CTNNA3: variants seen among roughly 807,000 people sequenced by gnomAD.
The protein encoded by CTNNA3 is catenin alpha 3, also known as catenin alpha-3.
CTNNA3 carries 76 observed loss-of-function variants against 95.7 expected under a neutral mutation model. The observed-to-expected ratio is 0.79, with a 90% CI of 0.66 to 0.96. CTNNA3 has a LOEUF of 0.96. CTNNA3 is among the 40% of genes least tolerant of loss of function. The pLI is 0.00. For missense variants in CTNNA3, 1,191 were observed against 1,089.8 expected (o/e 1.09, Z -1.31); for synonymous variants, 431 against 374.4 (o/e 1.15, Z -1.74).
chr10:66,009,093 C>A (rs569688513), intron 15 of CTNNA3, among the ~76,000 whole-genome samples: 14 of 150,298 alleles, frequency 9.3e-5, no homozygotes, highest in African/African-American at 3.0e-4. Context: ...GAGTGAGACT[C>A]AATCTCAGAA....
intron 9 of CTNNA3, among the ~76,000 whole-genome samples, chr10:66,688,935 G>A (rs547736379): frequency 6.8e-6 from 1 of 147,582 alleles, no homozygotes; most frequent in Admixed American, 6.9e-5. Flanking sequence ...GATTGCCCCA[G>A]CCTGGGCCAC....
chr10:66,845,718 A>AC (rs1261334577), intron 7 of CTNNA3, among the ~76,000 whole-genome samples: 23 of 123,932 alleles, frequency 1.9e-4, no homozygotes, highest in Non-Finnish European at 3.5e-4. Flanking sequence ...AAAAAAAAAA[A>AC]AAAAAAAAAA....
chr10:66,323,143 T>C (rs1433833822), intron 12 of CTNNA3, among the ~76,000 whole-genome samples: 1 of 151,908 alleles, frequency 6.6e-6, no homozygotes, highest in African/African-American at 2.4e-5. Context: ...TTTAAAAAAT[T>C]TATTTTTAAT....
intron 9 of CTNNA3, among the ~76,000 whole-genome samples, chr10:66,693,309 T>A (rs1236361183): frequency 6.8e-6 from 1 of 147,224 alleles, no homozygotes; most frequent in Admixed American, 6.7e-5. Flanking sequence ...GGGGTTGCAA[T>A]CCTAGTCTCT....
At position 66,640,527 on chromosome 10, in the gene CTNNA3, C is replaced by T. The variant is rs148755466; in HGVS notation, c.1282-18743G>A. Among the ~76,000 whole-genome samples the T allele has an allele frequency of 6.6e-3, 1,008 of 152,264 alleles. 20 individuals are homozygous for T. Among genetic ancestry groups the T allele is most frequent in the African/African-American group, 0.023 (961 of 41,558 alleles). The stretch of plus-strand genomic sequence containing the variant: ...CAGCTGCTGCTTCTACCCAATTCTA[C>T]CTTTCTCCCTTCATTACAGGCTTAT... On this transcript the variant is annotated intron_variant, in intron 9 of 17. Coordinates refer to ENST00000433211, the MANE Select transcript of CTNNA3 (RefSeq NM_013266.4).
At chr10:66,259,564 T>G (rs1014923999) in intron 13 of CTNNA3, among the ~76,000 whole-genome samples, 8 of 152,060 alleles carry the variant, frequency 5.3e-5, no homozygotes, top group African/African-American at 1.9e-4. Flanking sequence ...AGTACATAAC[T>G]TCACCCTGCA....
intron 7 of CTNNA3, chr10:67,098,048 C>CT (rs917925089): frequency 1.0e-3 from 456 of 456,440 alleles, no homozygotes; most frequent in East Asian, 1.1e-3. Flanking sequence ...ATAAAAGAAT[C>CT]TTTTTTTTTC....
chr10:66,282,893 T>C (rs1589028304), intron 12 of CTNNA3, among the ~76,000 whole-genome samples: 1 of 151,950 alleles, frequency 6.6e-6, no homozygotes, highest in African/African-American at 2.4e-5. Flanking sequence ...ATTAAGTGAT[T>C]AAATGAATGA....
At chr10:67,692,653 TG>T (rs1318305186) in intron 1 of CTNNA3, among the ~76,000 whole-genome samples, 1 of 136,118 alleles carries the variant, frequency 7.3e-6, no homozygotes, top group Non-Finnish European at 1.6e-5. Flanking sequence ...TTTGTTCACT[TG>T]TTTATCTGCT....
chr10:67,642,038 A>G (rs1422071609), intron 2 of CTNNA3, among the ~76,000 whole-genome samples: 1 of 152,190 alleles, frequency 6.6e-6, no homozygotes, highest in Non-Finnish European at 1.5e-5. Context: ...AAAAAACCCA[A>G]GATGGATTAA....
At chr10:67,183,148 A>T (rs560671947) in intron 6 of CTNNA3, among the ~76,000 whole-genome samples, 2 of 152,360 alleles carry the variant, frequency 1.3e-5, no homozygotes, top group East Asian at 3.9e-4. Context: ...TCAGGGATCT[A>T]GAACTACAAA....
At chr10:66,086,122 A>G (rs3911783) in intron 14 of CTNNA3, among the ~76,000 whole-genome samples, 91,956 of 151,994 alleles carry the variant, frequency 0.6, 27,902 homozygotes, top group East Asian at 0.71. Context: ...GCCCATAGCA[A>G]TAGACAAGGC....
chr10:67,097,379 G>A (rs566807513), intron 7 of CTNNA3, among the ~76,000 whole-genome samples: 1 of 151,904 alleles, frequency 6.6e-6, no homozygotes, highest in Non-Finnish European at 1.5e-5. Flanking sequence ...AAAGAATTAA[G>A]CAGTTTCATC....
intron 15 of CTNNA3, among the ~76,000 whole-genome samples, chr10:66,046,990 G>C (rs1379566016): frequency 2.6e-5 from 4 of 151,978 alleles, no homozygotes; most frequent in Admixed American, 2.6e-4. Context: ...GTAATAAATA[G>C]CCTACCAACC....
intron 11 of CTNNA3, among the ~76,000 whole-genome samples, chr10:66,401,299 G>GGGGATTGTTTGAGGTC (rs2093018035): frequency 6.6e-6 from 1 of 152,088 alleles, no homozygotes; most frequent in African/African-American, 2.4e-5. Flanking sequence ...GGCTGAGGCA[G>GGGGATTGTTTGAGGTC]GGGATTGTTT....
chr10:67,745,696 A>G (rs935722725), intron 1 of CTNNA3, among the ~76,000 whole-genome samples: 3 of 152,150 alleles, frequency 2.0e-5, no homozygotes, highest in Non-Finnish European at 2.9e-5. Flanking sequence ...CATGAAAAAA[A>G]CTGTTAGAGC....
At chr10:66,418,975 A>G (rs72808707) in intron 11 of CTNNA3, among the ~76,000 whole-genome samples, 7,502 of 152,184 alleles carry the variant, frequency 0.049, 262 homozygotes, top group East Asian at 0.11. Flanking sequence ...CAAGACAAGG[A>G]TATGTACTTC....
chr10:66,775,431 T>C lies in CTNNA3; in HGVS notation c.1128+13A>G. 1 of 1,583,652 alleles carries C rather than the reference T, an allele frequency of 6.3e-7. No homozygotes were observed. Among genetic ancestry groups the C allele is most frequent in the South Asian group, 1.1e-5 (1 of 88,464 alleles). ...CCCTATGTTTCTGACTCCATATCTC[T>C]CTCTTCCCTCACCTGTCTGCGAAGG... On this transcript the variant is annotated intron_variant, in intron 8 of 17. Coordinates refer to ENST00000433211, the MANE Select transcript of CTNNA3 (RefSeq NM_013266.4).
At chr10:67,711,045 C>A (rs1355820014) in intron 1 of CTNNA3, among the ~76,000 whole-genome samples, 2 of 152,168 alleles carry the variant, frequency 1.3e-5, no homozygotes, top group African/African-American at 2.4e-5. Flanking sequence ...AGTTTCCCTG[C>A]ACAAGTTCTT....
Sources: allele counts gnomAD v4.1 joint callset (sites outside exome capture counted in the v4.1 genomes callset), GRCh38; gene constraint gnomAD v4.1.1; transcripts MANE v1.5; gene names NCBI Gene and HGNC (gene_info 2026-07-23, HGNC 2026-07-21).